Variants in STAT3 observed in about 807,000 individuals in gnomAD.
STAT3 encodes the protein DNA-binding protein APRF.
Under a neutral mutation model 114.3 loss-of-function variants are expected in STAT3, and 7 were observed. That is an observed-to-expected ratio of 0.06 (90% CI 0.03 to 0.11). The LOEUF (loss-of-function observed/expected upper bound fraction) is 0.11. Ranked by LOEUF, STAT3 falls within the 10% of genes least tolerant of loss-of-function variation. The pLI is 1.00. For missense variants in STAT3, 364 were observed against 960.9 expected (o/e 0.38, Z 8.21); for synonymous variants, 331 against 354.5 (o/e 0.93, Z 0.74).
chr17:42,344,739 A>T (rs2082618099), intron 4 of STAT3, among the ~76,000 whole-genome samples: 1 of 149,510 alleles, frequency 6.7e-6, no homozygotes. Context: ...AAAAAGAGAG[A>T]TGAGGTCTCG....
chr17:42,341,615 T>G (rs1424564349), intron 4 of STAT3, among the ~76,000 whole-genome samples: 1 of 152,180 alleles, frequency 6.6e-6, no homozygotes, highest in African/African-American at 2.4e-5. Flanking sequence ...CTTTAACCAA[T>G]TCTAGACACT....
chr17:42,322,937 G>A, intron 20 of STAT3, 67 bp downstream of exon 20: 1 of 1,610,806 alleles, frequency 6.2e-7, no homozygotes, highest in Non-Finnish European at 8.5e-7. Context: ...GTAGGTGCTT[G>A]CAACTAGAAG....
At chr17:42,356,828 C>T (rs1244081551) in intron 1 of STAT3, among the ~76,000 whole-genome samples, 2 of 151,656 alleles carry the variant, frequency 1.3e-5, no homozygotes, top group Non-Finnish European at 2.9e-5. Context: ...CACTCTGTTG[C>T]CCAGGCTAGA....
At chr17:42,348,642 T>A in intron 1 of STAT3, 103 bp from the exon 2 acceptor site, 1 of 1,340,498 alleles carries the variant, frequency 7.5e-7, no homozygotes, top group African/African-American at 1.4e-5. Context: ...TGACTAGGGA[T>A]AAAGATGCTC....
chr17:42,337,719 G>GT lies in STAT3; in HGVS notation c.645+43dup. ...GCCACAAGACGCTGAAATCCCGCAA[G>GT]TGAGCGAGACACATGGGGGAAGTGG... On this transcript the variant is annotated intron_variant, in intron 7 of 23. Transcript: ENST00000264657. This position sits in a 1 kb window ranked among gnomAD's most constrained non-coding sequence, Gnocchi z 4.0. The GT allele has an allele frequency of 6.2e-7, 1 of 1,613,596 alleles. No homozygotes were observed. The highest frequency in any genetic ancestry group is 1.3e-5 in the African/African-American group (1 of 75,054).
chr17:42,326,899 A>C (rs1033757000), intron 14 of STAT3, among the ~76,000 whole-genome samples: 3 of 152,184 alleles, frequency 2.0e-5, no homozygotes. Context: ...AGCCACAGCC[A>C]AGGAAAGTGA....
intron 13 of STAT3, 23 bp from the exon 14 acceptor site, chr17:42,329,480 G>C (rs1263418740): frequency 1.2e-6 from 2 of 1,614,168 alleles, no homozygotes; most frequent in Non-Finnish European, 1.7e-6. Context: ...AAAAAGGCAG[G>C]TGTCCTGTGA....
chr17:42,332,331 A>T (rs2144810656), intron 10 of STAT3, among the ~76,000 whole-genome samples: 1 of 150,464 alleles, frequency 6.6e-6, no homozygotes, highest in South Asian at 2.1e-4. Context: ...CAAGGTCAGG[A>T]GTTCGAGACC....
intron 21 of STAT3, among the ~76,000 whole-genome samples, chr17:42,319,966 G>A (rs1042392194): frequency 3.3e-5 from 5 of 152,150 alleles, no homozygotes; most frequent in Admixed American, 3.3e-4. Flanking sequence ...TGACATCGCT[G>A]GGCAGGAAAG....
intron 2 of STAT3, 122 bp downstream of exon 2, chr17:42,348,267 T>C (rs754910878): frequency 2.8e-4 from 394 of 1,419,260 alleles, no homozygotes; most frequent in Non-Finnish European, 3.6e-4. Flanking sequence ...CTGATCTCAT[T>C]TTCCCCATCA....
chr17:42,376,532 C>T (rs1252859613), intron 1 of STAT3, among the ~76,000 whole-genome samples: 5 of 116,772 alleles, frequency 4.3e-5, no homozygotes, highest in African/African-American at 1.7e-4. Flanking sequence ...GGCAACAGAG[C>T]AAGACTCCAT....
chr17:42,368,259 T>G (rs556286380), intron 1 of STAT3, among the ~76,000 whole-genome samples: 1 of 152,218 alleles, frequency 6.6e-6, no homozygotes, highest in African/African-American at 2.4e-5. Flanking sequence ...TGTTACAGAA[T>G]TGTTTTTCTT....
chr17:42,359,214 C>T (rs551714623), intron 1 of STAT3, among the ~76,000 whole-genome samples: 63 of 152,142 alleles, frequency 4.1e-4, no homozygotes, highest in East Asian at 2.3e-3. Flanking sequence ...GGATTACAGG[C>T]GTAAAGCCAC....
At chr17:42,345,732 A>C in intron 3 of STAT3, 75 bp from the exon 4 acceptor site, 1 of 1,292,296 alleles carries the variant, frequency 7.7e-7, no homozygotes, top group Non-Finnish European at 1.1e-6. Flanking sequence ...GGCACCTTAA[A>C]ACTAATGTAT....
intron 10 of STAT3, 107 bp from the exon 11 acceptor site, chr17:42,331,638 G>A: frequency 1.1e-6 from 1 of 919,908 alleles, no homozygotes; most frequent in Non-Finnish European, 1.7e-6. Flanking sequence ...AGGTAAATAG[G>A]CCAAGCTGTC....
intron 1 of STAT3, among the ~76,000 whole-genome samples, chr17:42,372,485 T>C (rs2084205749): frequency 6.6e-6 from 1 of 152,234 alleles, no homozygotes; most frequent in East Asian, 1.9e-4. Flanking sequence ...TCCAACTATA[T>C]GACATTCTGG....
At chr17:42,354,233 G>A (rs868627196) in intron 1 of STAT3, among the ~76,000 whole-genome samples, 9 of 144,508 alleles carry the variant, frequency 6.2e-5, no homozygotes, top group South Asian at 2.2e-4. Flanking sequence ...GCAGTGGGGC[G>A]ATCTTGGCTC....
chr17:42,314,258 A>T lies in STAT3; in HGVS notation c.*1487T>A, dbSNP rs879158757. The T allele has an allele frequency of 4.3e-6, 1 of 233,166 alleles. No homozygotes were observed. Among genetic ancestry groups the T allele is most frequent in the South Asian group, 1.8e-4 (1 of 5,528 alleles). The allele number at this position is 233,166 out of a possible 1,614,324, so 14.4% of individuals were successfully genotyped here. A position where few individuals can be genotyped will look rare whatever the true frequency, so the allele number is the denominator to read the frequency against. ...TGAACTGAATGAAGACGCCATTACA[A>T]GTGCCACTGGATATCACCAAGAAAC... On this transcript the variant is annotated 3_prime_UTR_variant, in exon 24 of 24. Transcript: ENST00000264657.
intron 4 of STAT3, among the ~76,000 whole-genome samples, chr17:42,344,718 CAA>C (rs927425754): frequency 2.1e-4 from 21 of 99,858 alleles, no homozygotes; most frequent in Non-Finnish European, 2.6e-4. Context: ...GACTCTGTCT[CAA>C]AAAAAAAAAA....
Sources: allele counts gnomAD v4.1 joint callset (sites outside exome capture counted in the v4.1 genomes callset), GRCh38; gene constraint gnomAD v4.1.1; non-coding constraint Gnocchi (gnomAD v3.1); transcripts MANE v1.5; gene names NCBI Gene and HGNC (gene_info 2026-07-23, HGNC 2026-07-21).